Variants in ANKRD28 observed in about 807,000 individuals in gnomAD.
ANKRD28 encodes the protein serine/threonine-protein phosphatase 6 regulatory ankyrin repeat subunit A.
Under a neutral mutation model 126.5 loss-of-function variants are expected in ANKRD28, and 44 were observed. The observed-to-expected ratio is 0.35, with a 90% confidence interval of 0.27 to 0.45. The LOEUF is 0.45. Ranked by LOEUF, ANKRD28 falls within the 20% of genes least tolerant of loss-of-function variation. The pLI, the probability that ANKRD28 is intolerant of heterozygous loss-of-function variation, is 1.00. For synonymous variants in ANKRD28, 442 were observed against 468.5 expected (o/e 0.94, Z 0.73); for missense variants, 1,110 against 1,316.6 (o/e 0.84, Z 2.43).
At chr3:15,703,716 C>T (rs1298580203) in intron 14 of ANKRD28, among the ~76,000 whole-genome samples, 1 of 152,080 alleles carries the variant, frequency 6.6e-6, no homozygotes, top group South Asian at 2.1e-4. Context: ...TGCGAAGTTA[C>T]GATGTTGCTG....
At position 15,724,406 on chromosome 3, in the gene ANKRD28, C is replaced by G; in HGVS notation, c.759G>C (p.Lys253Asn). ...CATCAACTCCAAGATCTAGAAGGTA[C>G]TTGACTACGCTGATCATTCCACTAG... ...AASSGMISVV[K>N]YLLDLGVDMN... The change falls in exon 7 of 28, where the codon AAG becomes AAC. Residue 253 changes from lysine (K) to asparagine (N), a missense_variant. Transcript: ENST00000683139. The G allele has an allele frequency of 6.2e-7, 1 of 1,606,880 alleles. No individual in the cohort carries two copies.
chr3:15,807,130 T>C (rs1044988214), intron 1 of ANKRD28, among the ~76,000 whole-genome samples: 10 of 152,220 alleles, frequency 6.6e-5, no homozygotes, highest in African/African-American at 2.2e-4. Context: ...TTAATTGTTA[T>C]ACTTCATGGG....
chr3:15,792,042 A>AG (rs2060054339), intron 2 of ANKRD28, among the ~76,000 whole-genome samples: 1 of 152,192 alleles, frequency 6.6e-6, no homozygotes, highest in South Asian at 2.1e-4. Context: ...ATCTTGTCCC[A>AG]GTTAAAATGC....
At chr3:15,784,894 C>A (rs1398979362) in intron 2 of ANKRD28, among the ~76,000 whole-genome samples, 1 of 152,068 alleles carries the variant, frequency 6.6e-6, no homozygotes, top group Non-Finnish European at 1.5e-5. Flanking sequence ...CTGGCAGAAT[C>A]TGTCCAATAT....
At chr3:15,724,165 C>G (rs780710655) in intron 7 of ANKRD28, among the ~76,000 whole-genome samples, 12 of 152,138 alleles carry the variant, frequency 7.9e-5, no homozygotes, top group Non-Finnish European at 1.5e-4. Context: ...AATAAAACAC[C>G]TTTGAAGTGT....
chr3:15,753,166 G>C (rs1184268066), intron 3 of ANKRD28, among the ~76,000 whole-genome samples: 1 of 152,080 alleles, frequency 6.6e-6, no homozygotes, highest in Non-Finnish European at 1.5e-5. Context: ...AGGAAAGGAA[G>C]ACAGCAAATA....
intron 2 of ANKRD28, among the ~76,000 whole-genome samples, chr3:15,776,445 A>G (rs1400500098): frequency 6.6e-6 from 1 of 152,260 alleles, no homozygotes; most frequent in African/African-American, 2.4e-5. Context: ...TTTTAAAACA[A>G]AATAGCATTG....
chr3:15,801,106 G>C (rs967214543), upstream of ANKRD28, among the ~76,000 whole-genome samples: 1 of 151,964 alleles, frequency 6.6e-6, no homozygotes, highest in Non-Finnish European at 1.5e-5. This position sits in a 1 kb window ranked among gnomAD's most constrained non-coding sequence, Gnocchi z 4.9. Context: ...TATTTTTTAG[G>C]CCATATTAGA....
chr3:15,811,162 G>C (rs1461898281), intron 1 of ANKRD28, among the ~76,000 whole-genome samples: 2 of 152,142 alleles, frequency 1.3e-5, no homozygotes, highest in Non-Finnish European at 2.9e-5. Flanking sequence ...AGAGTAAGTT[G>C]TTAAGGGACA....
In ANKRD28 at chr3:15,689,915, G is replaced by C. The variant is rs1370362036; in HGVS notation, c.1963+104C>G. ...CCATATATGATTTGAAAAAAAAAAA[G>C]GTCAAAATTTTAAAGACAATTAACT... On this transcript the variant is annotated intron_variant, in intron 18 of 27. Transcript: ENST00000683139. 20 of 1,034,526 alleles carry C rather than the reference G, an allele frequency of 1.9e-5. No homozygotes were observed. The East Asian group carries it at 4.6e-4, about 24-fold the overall frequency. The allele number at this position is 1,034,526 out of a possible 1,614,324, so 64.1% of individuals were successfully genotyped here. A position where few individuals can be genotyped will look rare whatever the true frequency, so the allele number is the denominator to read the frequency against.
intron 21 of ANKRD28, among the ~76,000 whole-genome samples, chr3:15,679,957 T>C (rs2067360637): frequency 6.6e-6 from 1 of 152,072 alleles, no homozygotes; most frequent in Non-Finnish European, 1.5e-5. Context: ...AATCCAGAGA[T>C]GATTTAAAGT....
rs948968191 is a variant in ANKRD28 at position 15,839,726 on chromosome 3, A to C, written c.27+19651T>G. Among the ~76,000 whole-genome samples the C allele has an allele frequency of 6.6e-6, 1 of 152,218 alleles. No homozygotes were observed. Among genetic ancestry groups the C allele is most frequent in the African/African-American group, 2.4e-5 (1 of 41,464 alleles). On this transcript the variant is annotated intron_variant, in intron 1 of 27. Coordinates refer to the ANKRD28 transcript ENST00000399451. The surrounding 1 kb of genome is among the most constrained non-coding windows in gnomAD (Gnocchi z 4.3). Reference sequence around the variant, plus strand: ...ATGACCAAGTGGGACTTATCCCCCGAGGGATGCAAGGATGGTTCAACACAT... The same window carrying C: ...ATGACCAAGTGGGACTTATCCCCCGCGGGATGCAAGGATGGTTCAACACAT...
intron 17 of ANKRD28, among the ~76,000 whole-genome samples, chr3:15,692,589 C>G (rs2455812): frequency 0.54 from 82,051 of 152,098 alleles, 23,022 homozygotes; most frequent in Middle Eastern, 0.64. Context: ...TCCAGTATGA[C>G]TAAAATTAGG....
intron 2 of ANKRD28, among the ~76,000 whole-genome samples, chr3:15,793,346 G>A (rs1230968210): frequency 6.6e-6 from 1 of 152,122 alleles, no homozygotes; most frequent in Non-Finnish European, 1.5e-5. Context: ...GGTCACGAGA[G>A]AAAAGGCCTA....
At chr3:15,756,689 G>C (rs914202828) in intron 3 of ANKRD28, 1 of 159,394 alleles carries the variant, frequency 6.3e-6, no homozygotes, top group African/African-American at 2.4e-5. Context: ...CTGCTCCTAG[G>C]CTGTGTGTGT....
At chr3:15,756,193 G>A (rs374377186) in intron 3 of ANKRD28, among the ~76,000 whole-genome samples, 2 of 152,182 alleles carry the variant, frequency 1.3e-5, no homozygotes, top group South Asian at 2.1e-4. Flanking sequence ...GAGTAGAGAT[G>A]TGACTGAGTT....
At chr3:15,741,059 T>TG (rs1358202515) in intron 4 of ANKRD28, among the ~76,000 whole-genome samples, 9 of 151,258 alleles carry the variant, frequency 6.0e-5, no homozygotes, top group Admixed American at 2.6e-4. Context: ...ATTAGCCAGG[T>TG]GGGGGGGCGG....
At chr3:15,718,639 C>T (rs1382225945) in intron 8 of ANKRD28, among the ~76,000 whole-genome samples, 2 of 151,700 alleles carry the variant, frequency 1.3e-5, no homozygotes, top group African/African-American at 2.4e-5. Context: ...GTGCATAAAA[C>T]AGGAAGCCCA....
In ANKRD28 at chr3:15,816,248, C is replaced by T. The variant is rs1337644848; in HGVS notation, c.28-20942G>A. On this transcript the variant is annotated intron_variant, in intron 1 of 27. Transcript: ENST00000399451. The surrounding 1 kb of genome is among the most constrained non-coding windows in gnomAD (Gnocchi z 5.0). ...TAAATTTTCTTACTTTAACCAAATCCACCTAGCCTAGCCTCCTACCTCCAC... is the reference window on the plus strand; with the variant it reads ...TAAATTTTCTTACTTTAACCAAATCTACCTAGCCTAGCCTCCTACCTCCAC... Among the ~76,000 whole-genome samples, 1 of 152,104 alleles carries T rather than the reference C, an allele frequency of 6.6e-6. No individual in the cohort carries two copies. Among genetic ancestry groups the T allele is most frequent in the Non-Finnish European group, 1.5e-5 (1 of 68,018 alleles).
Sources: allele counts gnomAD v4.1 joint callset (sites outside exome capture counted in the v4.1 genomes callset), GRCh38; gene constraint gnomAD v4.1.1; non-coding constraint Gnocchi (gnomAD v3.1); transcripts MANE v1.5; gene names NCBI Gene and HGNC (gene_info 2026-07-23, HGNC 2026-07-21).